PAK5: variants seen among roughly 807,000 people sequenced by gnomAD.
PAK5 encodes p21 (RAC1) activated kinase 5, also known as serine/threonine-protein kinase PAK 5.
A neutral mutation model predicts 65.9 loss-of-function variants in PAK5; 16 were observed. The observed-to-expected ratio is 0.24, with a 90% CI of 0.16 to 0.37. The LOEUF is 0.37. PAK5 is among the 10% of genes least tolerant of loss of function. The pLI is 1.00. For missense variants in PAK5, 785 were observed against 903.9 expected, an observed-to-expected ratio of 0.87 and a Z score of 1.69; for synonymous variants, 371 against 354.9, an observed-to-expected ratio of 1.05 and a Z score of -0.51.
chr20:9,554,793 T>C (rs182967697), intron 7 of PAK5, among the ~76,000 whole-genome samples: 20 of 152,292 alleles, frequency 1.3e-4, no homozygotes, highest in Admixed American at 1.2e-3. Context: ...GTTCTGAACA[T>C]GAATGAGTAA....
chr20:9,616,577 GC>G (rs1255186180), intron 3 of PAK5, among the ~76,000 whole-genome samples: 2 of 152,210 alleles, frequency 1.3e-5, no homozygotes, highest in Non-Finnish European at 2.9e-5. Flanking sequence ...TCAGGGCTGG[GC>G]TGGGGACTGA....
At chr20:9,759,968 C>CA (rs2048679684) in intron 1 of PAK5, among the ~76,000 whole-genome samples, 1 of 152,188 alleles carries the variant, frequency 6.6e-6, no homozygotes, top group Non-Finnish European at 1.5e-5. Flanking sequence ...CTTTGAGCTG[C>CA]AAAAAGCTGC....
chr20:9,748,352 G>A (rs139913197), intron 1 of PAK5, among the ~76,000 whole-genome samples: 2,410 of 152,180 alleles, frequency 0.016, 59 homozygotes, highest in African/African-American at 0.053. Flanking sequence ...AAGTTCATAT[G>A]GAACCAAAAA....
Position 9,787,985 on chromosome 20 carries a change from G to C in PAK5, c.-162+50777C>G, listed in dbSNP as rs1036909854. Among the ~76,000 whole-genome samples the C allele has an allele frequency of 4.0e-5, 6 of 151,076 alleles. No homozygotes were observed. The East Asian group carries it at 7.8e-4, about 20-fold the overall frequency. On this transcript the variant is annotated intron_variant, in intron 1 of 9. Transcript: ENST00000353224. ...CCAGCCCATGTGTCTGTGTGTGTTG[G>C]GGGGGGTATGTGTGAGTACCCATAT...
At chr20:9,641,959 C>T (rs2047073570) in intron 3 of PAK5, among the ~76,000 whole-genome samples, 1 of 152,206 alleles carries the variant, frequency 6.6e-6, no homozygotes, top group South Asian at 2.1e-4. Context: ...CCGGTTCCCA[C>T]TTGTGCCTCT....
intron 3 of PAK5, among the ~76,000 whole-genome samples, chr20:9,601,039 G>A (rs867802405): frequency 6.6e-6 from 1 of 152,148 alleles, no homozygotes; most frequent in Non-Finnish European, 1.5e-5. Flanking sequence ...TCTGTAGCAG[G>A]TTGACCAGTA....
At chr20:9,807,215 G>A (rs1600395475) in intron 1 of PAK5, among the ~76,000 whole-genome samples, 1 of 152,226 alleles carries the variant, frequency 6.6e-6, no homozygotes, top group Middle Eastern at 3.4e-3. Context: ...TGGTTCTGGG[G>A]ATTGAGATGT....
At chr20:9,637,834 C>A (rs1004917278) in intron 3 of PAK5, among the ~76,000 whole-genome samples, 2 of 152,058 alleles carry the variant, frequency 1.3e-5, no homozygotes, top group African/African-American at 4.8e-5. Context: ...TTAAGATATG[C>A]TTTTTTTCAT....
chr20:9,557,491 AG>A, intron 7 of PAK5, 116 bp downstream of exon 7: 3 of 751,750 alleles, frequency 4.0e-6, no homozygotes, highest in Non-Finnish European at 6.3e-6. Flanking sequence ...GAAGAGAAGT[AG>A]GTGACTTGTG....
At chr20:9,785,093 GTTAAAACT>G (rs2048979265) in intron 1 of PAK5, among the ~76,000 whole-genome samples, 1 of 151,644 alleles carries the variant, frequency 6.6e-6, no homozygotes, top group Admixed American at 6.6e-5. Flanking sequence ...CTTGTATCAA[GTTAAAACT>G]TTAATCAAAT....
chr20:9,738,009 C>T (rs1301999252), intron 1 of PAK5, among the ~76,000 whole-genome samples: 1 of 152,024 alleles, frequency 6.6e-6, no homozygotes, highest in African/African-American at 2.4e-5. Context: ...GGTGTGGTGG[C>T]ACGTGCCTGT....
intron 9 of PAK5, among the ~76,000 whole-genome samples, chr20:9,540,726 A>T (rs1038574373): frequency 6.9e-6 from 1 of 145,436 alleles, no homozygotes; most frequent in Non-Finnish European, 1.5e-5. Context: ...CATATGATAC[A>T]TTTTTAGTCA....
At chr20:9,799,586 C>T (rs1012928479) in intron 1 of PAK5, among the ~76,000 whole-genome samples, 1 of 151,938 alleles carries the variant, frequency 6.6e-6, no homozygotes, top group African/African-American at 2.4e-5. Context: ...GTTCTGGATA[C>T]CACAGTGTGA....
intron 3 of PAK5, among the ~76,000 whole-genome samples, chr20:9,641,393 A>T (rs6077573): frequency 6.9e-6 from 1 of 145,596 alleles, no homozygotes; most frequent in Admixed American, 7.0e-5. Context: ...CCTTGAGCTA[A>T]ACACAGGGTG....
At chr20:9,833,390 G>T (rs577630089) in intron 1 of PAK5, among the ~76,000 whole-genome samples, 1 of 151,772 alleles carries the variant, frequency 6.6e-6, no homozygotes. Context: ...CAACAATGGC[G>T]CCCATTACCA....
At chr20:9,782,595 G>A (rs8125212) in intron 1 of PAK5, among the ~76,000 whole-genome samples, 3,483 of 152,188 alleles carry the variant, frequency 0.023, 87 homozygotes, top group African/African-American at 0.062. Flanking sequence ...GGTTAAAACC[G>A]GATGACAGGA....
At chr20:9,633,734 C>T (rs2046951335) in intron 3 of PAK5, among the ~76,000 whole-genome samples, 1 of 152,190 alleles carries the variant, frequency 6.6e-6, no homozygotes, top group South Asian at 2.1e-4. Context: ...TATGCGGTCC[C>T]TGTGTGGGTT....
At chr20:9,835,514 C>A (rs1221114181) in intron 1 of PAK5, among the ~76,000 whole-genome samples, 2 of 152,004 alleles carry the variant, frequency 1.3e-5, no homozygotes, top group East Asian at 3.9e-4. Context: ...GAATCTGTCC[C>A]AGGTGTGTGG....
At chr20:9,753,120 T>C (rs2123623213) in intron 1 of PAK5, among the ~76,000 whole-genome samples, 1 of 152,238 alleles carries the variant, frequency 6.6e-6, no homozygotes, top group Middle Eastern at 3.4e-3. Context: ...GGCAGCAACC[T>C]AGCTCAGCCT....
Sources: gnomAD v4.1 joint callset for allele counts (sites outside exome capture counted in the v4.1 genomes callset) on GRCh38, gnomAD v4.1.1 for gene constraint, MANE v1.5 for transcripts, NCBI Gene and HGNC (gene_info 2026-07-23, HGNC 2026-07-21) for gene names.